WDR26: variants seen among roughly 807,000 people sequenced by gnomAD.
The protein encoded by WDR26 is WD repeat-containing protein 26.
In WDR26, 5 loss-of-function variants were observed where a neutral mutation model predicts 84.1. The observed-to-expected ratio is 0.06, with a 90% CI of 0.03 to 0.13. WDR26 has a LOEUF of 0.13. Among genes scored for constraint, WDR26 ranks in the 10% least tolerant of loss-of-function variants. The probability of loss-of-function intolerance (pLI) is 1.00; values close to 1 mark genes in which losing one functional copy is unlikely to be tolerated. For missense variants in WDR26, 642 were observed against 974.9 expected (o/e 0.66, Z 4.55); for synonymous variants, 415 against 389.6 (o/e 1.07, Z -0.77).
intron 7 of WDR26, among the ~76,000 whole-genome samples, chr1:224,409,509 TGTA>T (rs1467917650): frequency 8.5e-5 from 13 of 152,244 alleles, no homozygotes; most frequent in Non-Finnish European, 1.5e-5. Flanking sequence ...TTTCATTGTT[TGTA>T]GCATACATAG....
At position 224,407,151 on chromosome 1, in the gene WDR26, A is replaced by AAAAAAGAATATATATATATATAT; in HGVS notation, c.1459-2582_1459-2581insATATATATATATATATTCTTTTT. The stretch of plus-strand genomic sequence containing the variant: ...AAAAAAAAAAAAAAAAAAAAAAAAA[A>AAAAAAGAATATATATATATATAT]ATATATATATATATATATATAACTC... On this transcript the variant is annotated intron_variant, in intron 7 of 13. Coordinates refer to ENST00000414423, the MANE Select transcript of WDR26 (RefSeq NM_001379403.1). Among the ~76,000 whole-genome samples, 24 of 11,876 alleles carry AAAAAAGAATATATATATATATAT rather than the reference A, an allele frequency of 2.0e-3. 3 individuals carry two copies. Among genetic ancestry groups the AAAAAAGAATATATATATATATAT allele is most frequent in the Non-Finnish European group, 3.0e-3 (21 of 7,118 alleles). 7.8% of individuals were successfully genotyped at this position (11,876 alleles called of 152,430 possible).
intron 3 of WDR26, among the ~76,000 whole-genome samples, chr1:224,426,379 A>C (rs1263840409): frequency 6.6e-5 from 10 of 152,184 alleles, no homozygotes; most frequent in Admixed American, 2.0e-4. Context: ...CATGTATTTA[A>C]ATTTATAAGA....
Position 224,398,996 on chromosome 1 carries a change from T to C in WDR26, c.1758A>G (p.Val586=). Residue 586 remains valine, a synonymous_variant, in exon 10 of 14, where the codon GTA becomes GTG. Transcript: ENST00000414423. ...TCAAGCACCAAAGGCATTGCACTCT[T>C]ACCCCTTCCCAGGAGTCAAGGAGAT... 6.3e-7 allele frequency: 1 copy of C among 1,593,824 alleles called. No homozygotes were observed. Among genetic ancestry groups the C allele is most frequent in the Non-Finnish European group, 8.5e-7 (1 of 1,173,800 alleles).
chr1:224,399,734 T>C (rs556493254), intron 9 of WDR26, among the ~76,000 whole-genome samples: 1 of 152,328 alleles, frequency 6.6e-6, no homozygotes, highest in African/African-American at 2.4e-5. Flanking sequence ...AATCCATGTG[T>C]TCCAAACGAG....
intron 12 of WDR26, among the ~76,000 whole-genome samples, chr1:224,394,816 T>C (rs1013349811): frequency 2.6e-5 from 4 of 152,146 alleles, no homozygotes; most frequent in South Asian, 4.1e-4. Context: ...TTAATGGTGA[T>C]TGAAACATAG....
At chr1:224,409,103 T>C (rs1165046789) in intron 7 of WDR26, among the ~76,000 whole-genome samples, 1 of 152,100 alleles carries the variant, frequency 6.6e-6, no homozygotes, top group Non-Finnish European at 1.5e-5. Context: ...TATACTAAAT[T>C]AGGTAGTATT....
At chr1:224,394,226 C>A (rs1489372979) in intron 12 of WDR26, among the ~76,000 whole-genome samples, 1 of 152,024 alleles carries the variant, frequency 6.6e-6, no homozygotes, top group East Asian at 1.9e-4. Flanking sequence ...CATCAAGTCA[C>A]ACACAAAAAA....
intron 7 of WDR26, among the ~76,000 whole-genome samples, chr1:224,408,016 T>TA (rs1443447465): frequency 6.6e-6 from 1 of 152,226 alleles, no homozygotes; most frequent in Non-Finnish European, 1.5e-5. Flanking sequence ...AAAAGCCCTT[T>TA]ACATGTAACA....
intron 7 of WDR26, among the ~76,000 whole-genome samples, chr1:224,410,142 G>A (rs906300753): frequency 4.0e-5 from 6 of 151,882 alleles, no homozygotes; most frequent in African/African-American, 9.7e-5. Context: ...TTAGCCAGGC[G>A]TGGTGGCAAG....
At chr1:224,390,766 T>A (rs1673102565) in intron 13 of WDR26, among the ~76,000 whole-genome samples, 1 of 151,720 alleles carries the variant, frequency 6.6e-6, no homozygotes, top group Admixed American at 6.6e-5. Flanking sequence ...TGAGACTCCA[T>A]CTCAAAACAG....
chr1:224,400,834 C>A (rs1365979693), intron 9 of WDR26, 116 bp downstream of exon 9: 1 of 1,394,692 alleles, frequency 7.2e-7, no homozygotes, highest in East Asian at 2.6e-5. Context: ...GTGTGAGCCA[C>A]CATGCCTGGC....
At chr1:224,402,240 T>G (rs556748641) in intron 8 of WDR26, 1 of 152,144 alleles carries the variant, frequency 6.6e-6, no homozygotes, top group East Asian at 1.9e-4. Flanking sequence ...GGAAAAAAAG[T>G]GTTCAGCAAT....
At chr1:224,414,267 G>A (rs1223743434) in intron 6 of WDR26, among the ~76,000 whole-genome samples, 1 of 151,360 alleles carries the variant, frequency 6.6e-6, no homozygotes, top group East Asian at 1.9e-4. Flanking sequence ...CACCACACCC[G>A]GCTAATTTTT....
intron 1 of WDR26, among the ~76,000 whole-genome samples, chr1:224,433,327 A>G (rs1166585013): frequency 6.6e-6 from 1 of 151,942 alleles, no homozygotes; most frequent in Non-Finnish European, 1.5e-5. Flanking sequence ...CCCTCCCCCA[A>G]CACATACAGA....
intron 1 of WDR26, among the ~76,000 whole-genome samples, chr1:224,432,422 T>C (rs1490528766): frequency 6.6e-6 from 1 of 152,216 alleles, no homozygotes; most frequent in African/African-American, 2.4e-5. Context: ...ATACTAATCC[T>C]TTTCCCTAGG....
At chr1:224,429,192 G>A (rs994713173) in intron 3 of WDR26, 1 of 151,254 alleles carries the variant, frequency 6.6e-6, no homozygotes, top group Non-Finnish European at 1.5e-5. Context: ...AACCTGGGAG[G>A]CGAGGTTGCA....
chr1:224,408,286 CT>C (rs749419050), intron 7 of WDR26, among the ~76,000 whole-genome samples: 4 of 152,176 alleles, frequency 2.6e-5, no homozygotes, highest in Non-Finnish European at 4.4e-5. Context: ...ATTTACTTTT[CT>C]TACTTTCCCT....
intron 7 of WDR26, among the ~76,000 whole-genome samples, chr1:224,410,835 A>G (rs1673718664): frequency 1.3e-5 from 2 of 151,322 alleles, no homozygotes; most frequent in African/African-American, 4.9e-5. Context: ...AATAGCTGGG[A>G]CGACTGGTGT....
intron 4 of WDR26, among the ~76,000 whole-genome samples, chr1:224,423,940 G>T (rs931587496): frequency 3.3e-5 from 5 of 152,148 alleles, no homozygotes; most frequent in African/African-American, 1.2e-4. Flanking sequence ...AACATTTTAA[G>T]GATTAATGTG....
Sources: gnomAD v4.1 joint callset for allele counts (sites outside exome capture counted in the v4.1 genomes callset) on GRCh38, gnomAD v4.1.1 for gene constraint, MANE v1.5 for transcripts, NCBI Gene and HGNC (gene_info 2026-07-23, HGNC 2026-07-21) for gene names.